SMG1: variants seen among roughly 807,000 people sequenced by gnomAD.
SMG1 encodes the protein SMG1 nonsense mediated mRNA decay associated PI3K related kinase.
A neutral mutation model predicts 419.9 loss-of-function variants in SMG1; 22 were observed. The ratio of observed to expected loss-of-function variants is 0.05; its 90% CI spans 0.04 to 0.07. The LOEUF (loss-of-function observed/expected upper bound fraction) is 0.07, where lower values mean the gene tolerates loss of function less well. SMG1 is among the 10% of genes least tolerant of loss of function. SMG1 has a pLI of 1.00. For missense variants in SMG1, 3,185 were observed against 4,342.0 expected (o/e 0.73, Z 7.49); for synonymous variants, 1,538 against 1,553.5 (o/e 0.99, Z 0.23).
intron 1 of SMG1, among the ~76,000 whole-genome samples, chr16:18,901,211 A>G (rs2037333225): frequency 6.6e-6 from 1 of 152,138 alleles, no homozygotes; most frequent in African/African-American, 2.4e-5. Context: ...AATCTTAATT[A>G]TCCATTTATG....
chr16:18,867,812 C>T (rs1225656347), intron 22 of SMG1, among the ~76,000 whole-genome samples: 2 of 149,300 alleles, frequency 1.3e-5, no homozygotes, highest in Non-Finnish European at 3.0e-5. Flanking sequence ...GGGTTCACGC[C>T]ATTCTCCTGC....
At position 18,863,835 on chromosome 16, in the gene SMG1, A is replaced by G; in HGVS notation, c.3510T>C (p.Thr1170=). 3.8e-6 allele frequency: 6 copies of G among 1,581,054 alleles called. No individual in the cohort carries two copies. The highest frequency in any genetic ancestry group is 5.2e-6 in the Non-Finnish European group (6 of 1,154,006). ...AAGAGTCAGTCGGTTTGGACAGCACAGTTTTTCTGGATTCACCTGAAAGTA... is the reference window on the plus strand; with the variant it reads ...AAGAGTCAGTCGGTTTGGACAGCACGGTTTTTCTGGATTCACCTGAAAGTA... ...KHSLNGESRK[T]VLSKPTDSSP... is the part of the protein sequence containing the mutation. Residue 1170 remains threonine (T), a synonymous_variant, in exon 25 of 63, where the codon ACT becomes ACC. Transcript: ENST00000446231.
intron 55 of SMG1, among the ~76,000 whole-genome samples, chr16:18,827,402 G>C (rs1256604956): frequency 6.9e-6 from 1 of 144,276 alleles, no homozygotes; most frequent in East Asian, 2.0e-4. Context: ...CTCCAACCTG[G>C]GCAACAAAGC....
intron 39 of SMG1, among the ~76,000 whole-genome samples, chr16:18,844,350 A>C (rs2141322945): frequency 6.6e-6 from 1 of 150,416 alleles, no homozygotes; most frequent in Non-Finnish European, 1.5e-5. Flanking sequence ...AATCACTTAA[A>C]CCCGGGAGGC....
At chr16:18,910,535 T>A (rs1323326491) in intron 1 of SMG1, among the ~76,000 whole-genome samples, 1 of 151,920 alleles carries the variant, frequency 6.6e-6, no homozygotes, top group Non-Finnish European at 1.5e-5. Flanking sequence ...CAGCCAATTT[T>A]TTTATTTTTT....
Position 18,872,777 on chromosome 16 carries a change from T to A in SMG1, c.1891-153A>T, listed in dbSNP as rs2035893385. Among the ~76,000 whole-genome samples the A allele has an allele frequency of 2.6e-5, 4 of 152,324 alleles. No individual in the cohort carries two copies. In the South Asian group the frequency reaches 8.3e-4, roughly 32 times the overall value. ...GTACACTAAACCTGGGACAAACACT[T>A]TTTTATGAAGTCAGTAAAGCCTTTG... On this transcript the variant is annotated intron_variant, in intron 13 of 62. Transcript: ENST00000446231.
intron 30 of SMG1, 135 bp from the exon 31 acceptor site, chr16:18,854,002 AT>A (rs59703706): frequency 0.51 from 413,079 of 804,040 alleles, 107,472 homozygotes; most frequent in Middle Eastern, 0.57. Flanking sequence ...ATGCTCAAGC[AT>A]AGGAGGCTCC....
chr16:18,851,708 A>G (rs1317707119), intron 33 of SMG1, among the ~76,000 whole-genome samples: 1 of 151,912 alleles, frequency 6.6e-6, no homozygotes, highest in Non-Finnish European at 1.5e-5. Flanking sequence ...ACACCCTGCT[A>G]ATTTTTGTAT....
rs774081703 is a variant in SMG1 at position 18,858,294 on chromosome 16, C to T, written c.4114-4G>A. On this transcript the variant is annotated splice_region_variant and splice_polypyrimidine_tract_variant and intron_variant, in intron 28 of 62. Transcript: ENST00000446231. Reference sequence around the variant, plus strand: ...TGAAGAGTGGAATAAGACAGTCCTGCCAGAGAAAAACCAAAATTACTCAAC... The same window carrying T: ...TGAAGAGTGGAATAAGACAGTCCTGTCAGAGAAAAACCAAAATTACTCAAC... 6.3e-7 allele frequency: 1 copy of T among 1,577,702 alleles called. No individual in the cohort carries two copies. Among genetic ancestry groups the T allele is most frequent in the Non-Finnish European group, 8.5e-7 (1 of 1,169,694 alleles).
At chr16:18,827,294 T>C (rs2032756278) in intron 55 of SMG1, among the ~76,000 whole-genome samples, 1 of 151,552 alleles carries the variant, frequency 6.6e-6, no homozygotes, top group Non-Finnish European at 1.5e-5. Flanking sequence ...GACATGGTGG[T>C]GCGTGCCTGT....
intron 42 of SMG1, among the ~76,000 whole-genome samples, chr16:18,839,238 C>A (rs990715618): frequency 1.3e-5 from 2 of 151,470 alleles, no homozygotes; most frequent in Non-Finnish European, 2.9e-5. Context: ...TAGGTCTTTA[C>A]GTGAGTAAAT....
intron 13 of SMG1, chr16:18,875,188 AT>A (rs957550370): frequency 1.0e-4 from 16 of 152,606 alleles, no homozygotes; most frequent in African/African-American, 3.1e-4. Flanking sequence ...CAGGTGTGGG[AT>A]TTTCCACTTG....
At chr16:18,888,659 G>A (rs2036744599) in intron 6 of SMG1, among the ~76,000 whole-genome samples, 1 of 151,266 alleles carries the variant, frequency 6.6e-6, no homozygotes, top group East Asian at 1.9e-4. Flanking sequence ...GTAGAGACGG[G>A]GTTTCACCAT....
rs985040357 is a variant in SMG1, at chr16:18,807,475, G to C, written c.*2094C>G. 2 of 152,080 alleles carry C rather than the reference G, an allele frequency of 1.3e-5. No individual in the cohort carries two copies. The highest frequency in any genetic ancestry group is 3.9e-4 in the East Asian group (2 of 5,190). 9.4% of individuals were successfully genotyped at this position (152,080 alleles called of 1,614,324 possible). A position where few individuals can be genotyped will look rare whatever the true frequency, so the allele number is the denominator to read the frequency against. ...GAAGAAAACAAAATTTGATGCGCTA[G>C]GTTCCTTAACTTGCTATTGGACACA... On this transcript the variant is annotated 3_prime_UTR_variant, in exon 63 of 63. Coordinates refer to ENST00000446231, the MANE Select transcript of SMG1 (RefSeq NM_015092.5).
In SMG1 at chr16:18,806,149, A is replaced by G. The variant is rs1242529734; in HGVS notation, c.*3420T>C. 8 of 152,614 alleles carry G rather than the reference A, an allele frequency of 5.2e-5. No homozygotes were observed. Among genetic ancestry groups the G allele is most frequent in the Admixed American group, 5.2e-4 (8 of 15,280 alleles). 9.5% of individuals were successfully genotyped at this position (152,614 alleles called of 1,614,324 possible). On this transcript the variant is annotated 3_prime_UTR_variant, in exon 63 of 63. Transcript: ENST00000446231. ...CTGTACTTGCATTGCCCTGCTCGGC[A>G]TTTTTAAAAAATGGCTCTTTCCTTA...
chr16:18,923,565 G>A (rs35408730), intron 1 of SMG1, among the ~76,000 whole-genome samples: 14,386 of 151,600 alleles, frequency 0.095, 730 homozygotes, highest in Middle Eastern at 0.17. Flanking sequence ...TAACCGGGAG[G>A]CAGAGGCTGC....
chr16:18,855,768 C>G (rs2034865871), intron 29 of SMG1, among the ~76,000 whole-genome samples: 1 of 152,156 alleles, frequency 6.6e-6, no homozygotes, highest in Non-Finnish European at 1.5e-5. Flanking sequence ...CCCTTTGACC[C>G]CATTCTTATA....
Position 18,907,730 on chromosome 16 carries a change from T to C in SMG1, c.93-10774A>G, listed in dbSNP as rs575817234. On this transcript the variant is annotated intron_variant, in intron 1 of 62. Coordinates refer to ENST00000446231, the MANE Select transcript of SMG1 (RefSeq NM_015092.5). ...GCCAGGCCTGGTGGTGCAGCGCCTG[T>C]AGTCCCAGCTACTCAGGGGGCTGAG... 4.0e-5 allele frequency among the ~76,000 whole-genome samples: 6 copies of C among 150,154 alleles called. No individual in the cohort carries two copies. The East Asian group carries it at 7.9e-4, about 20-fold the overall frequency.
rs1346512461 is a variant in SMG1 at position 18,845,494 on chromosome 16, G to A, written c.6154C>T (p.Leu2052=). Residue 2052 remains leucine (L), a synonymous_variant, in exon 39 of 63, where the codon CTA becomes TTA. Coordinates refer to ENST00000446231, the MANE Select transcript of SMG1 (RefSeq NM_015092.5). ...DNYGDAIENA[L]EKLKTPLNPA... ...TTCAATGGAGTCTTCAGTTTTTCTA[G>A]GGCATTTTCAATGGCATCACCATAG... 5.0e-6 allele frequency: 8 copies of A among 1,613,738 alleles called. No homozygotes were observed. The highest frequency in any genetic ancestry group is 1.3e-5 in the African/African-American group (1 of 74,878).
Sources: gnomAD v4.1 joint callset for allele counts (sites outside exome capture counted in the v4.1 genomes callset) on GRCh38, gnomAD v4.1.1 for gene constraint, MANE v1.5 for transcripts, NCBI Gene and HGNC (gene_info 2026-07-23, HGNC 2026-07-21) for gene names.